PRM3: variants seen among roughly 807,000 people sequenced by gnomAD.
PRM3 encodes the protein protamine-3.
For missense variants in PRM3, 160 were observed against 133.1 expected (o/e 1.20, Z -0.99); for synonymous variants, 72 against 58.2 (o/e 1.24, Z -1.08).
At position 11,273,234 on chromosome 16, in the gene PRM3, A is replaced by T. The variant is rs2069803060; in HGVS notation, c.*50T>A. On this transcript the variant is annotated 3_prime_UTR_variant, in exon 1 of 1. Coordinates refer to ENST00000327157, the MANE Select transcript of PRM3 (RefSeq NM_021247.3). Reference sequence around the variant, plus strand: ...ACTTTTTATTGACTCTTCTCTGAACACTGTCGCCGGAGCAGCAGTGGGCGT... The same window carrying T: ...ACTTTTTATTGACTCTTCTCTGAACTCTGTCGCCGGAGCAGCAGTGGGCGT... 7 of 1,482,486 alleles carry T rather than the reference A, an allele frequency of 4.7e-6. No homozygotes were observed. The Admixed American group carries it at 1.6e-4, about 34-fold the overall frequency. 91.8% of individuals were successfully genotyped at this position (1,482,486 alleles called of 1,614,324 possible). A position where few individuals can be genotyped will look rare whatever the true frequency, so the allele number is the denominator to read the frequency against.
chr16:11,273,591 C>T lies in PRM3; in HGVS notation c.5G>A (p.Gly2Asp). 1.3e-6 allele frequency: 2 copies of T among 1,588,978 alleles called. No homozygotes were observed. Among genetic ancestry groups the T allele is most frequent in the Non-Finnish European group, 1.7e-6 (2 of 1,164,800 alleles). The change falls in exon 1 of 1, where the codon GGT (glycine) becomes GAT (aspartate). Residue 2 changes from glycine (G) to aspartate (D), a missense_variant. Gly to Asp is a moderately conservative substitution (Grantham distance 94, BLOSUM62 -1). Coordinates refer to ENST00000327157, the MANE Select transcript of PRM3 (RefSeq NM_021247.3). M[G>D]SRCAKLNTGQ... Reference sequence around the variant, plus strand: ...TGTGTTGAGCTTGGCACAGCGGGAACCCATGGTCTACGTTGCCTGTCTCTC... The same window carrying T: ...TGTGTTGAGCTTGGCACAGCGGGAATCCATGGTCTACGTTGCCTGTCTCTC...
chr16:11,273,606 G>C lies in PRM3; in HGVS notation c.-11C>G. 2 of 1,577,786 alleles carry C rather than the reference G, an allele frequency of 1.3e-6. No individual in the cohort carries two copies. The highest frequency in any genetic ancestry group is 8.6e-7 in the Non-Finnish European group (1 of 1,159,202). On this transcript the variant is annotated 5_prime_UTR_variant, in exon 1 of 1. Coordinates refer to ENST00000327157, the MANE Select transcript of PRM3 (RefSeq NM_021247.3). ...ACAGCGGGAACCCATGGTCTACGTT[G>C]CCTGTCTCTCTGGGCAAGGAGGTGA...
In PRM3 at chr16:11,273,510, T is replaced by TCGTGGCCCCGGC. The variant is rs755994620; in HGVS notation, c.74_85dup (p.Gly25_His28dup). ...GGCCATGAGCTTTTTCATGGAGGAT[T>TCGTGGCCCCGGC]CGTGGCCCCGGCCATGGCCCGTGCT... On this transcript the variant is annotated inframe_insertion, in exon 1 of 1. Transcript: ENST00000327157. 1 of 1,610,280 alleles carries TCGTGGCCCCGGC rather than the reference T, an allele frequency of 6.2e-7. No homozygotes were observed. Among genetic ancestry groups the TCGTGGCCCCGGC allele is most frequent in the Non-Finnish European group, 8.5e-7 (1 of 1,178,204 alleles).
chr16:11,273,392 C>A lies in PRM3; in HGVS notation c.204G>T (p.Leu68=). The A allele has an allele frequency of 1.3e-6, 2 of 1,547,220 alleles. No homozygotes were observed. The highest frequency in any genetic ancestry group is 1.7e-6 in the Non-Finnish European group (2 of 1,147,258). ...EEGEEEEKEE[L]PVQGKLLLLE... ...GCAGCAGCAGCTTGCCCTGCACCGGCAGCTCTTCTTTCTCCTCCTCTTCCC... is the reference window on the plus strand; with the variant it reads ...GCAGCAGCAGCTTGCCCTGCACCGGAAGCTCTTCTTTCTCCTCCTCTTCCC... The change falls in exon 1 of 1, where the codon CTG becomes CTT. Residue 68 remains leucine, a synonymous_variant. Transcript: ENST00000327157.
At position 11,273,611 on chromosome 16, in the gene PRM3, T is replaced by A; in HGVS notation, c.-16A>T. ...GGGAACCCATGGTCTACGTTGCCTG[T>A]CTCTCTGGGCAAGGAGGTGAGGCGG... On this transcript the variant is annotated 5_prime_UTR_variant, in exon 1 of 1. Coordinates refer to ENST00000327157, the MANE Select transcript of PRM3 (RefSeq NM_021247.3). 1 of 1,573,726 alleles carries A rather than the reference T, an allele frequency of 6.4e-7. No individual in the cohort carries two copies.
rs746816232 is a variant in PRM3, at chr16:11,273,622, A to G, written c.-27T>C. On this transcript the variant is annotated 5_prime_UTR_variant, in exon 1 of 1. Coordinates refer to ENST00000327157, the MANE Select transcript of PRM3 (RefSeq NM_021247.3). The stretch of plus-strand genomic sequence containing the variant: ...GTCTACGTTGCCTGTCTCTCTGGGC[A>G]AGGAGGTGAGGCGGTGGGTGAAGGG... 7.9e-5 allele frequency: 123 copies of G among 1,558,388 alleles called. No homozygotes were observed. The African/African-American group carries it at 1.5e-3, about 18-fold the overall frequency.
In PRM3 at chr16:11,273,558, C is replaced by G; in HGVS notation, c.38G>C (p.Ser13Thr). ...GCTGTGGCCTGGGCTGTGGCCTGGG[C>G]TCTGGCCTGTGTTGAGCTTGGCACA... ...SRCAKLNTGQ[S>T]PGHSPGHSTG... Residue 13 changes from serine to threonine, a missense_variant, in exon 1 of 1, where the codon AGC becomes ACC. Ser to Thr is a moderately conservative substitution (Grantham distance 58, BLOSUM62 1). Transcript: ENST00000327157. The G allele has an allele frequency of 6.2e-7, 1 of 1,609,710 alleles. No individual in the cohort carries two copies. The highest frequency in any genetic ancestry group is 8.5e-7 in the Non-Finnish European group (1 of 1,178,602).
In PRM3 at chr16:11,273,542, T is replaced by A; in HGVS notation, c.54A>T (p.Pro18=). 1 of 1,607,170 alleles carries A rather than the reference T, an allele frequency of 6.2e-7. No homozygotes were observed. The highest frequency in any genetic ancestry group is 8.5e-7 in the Non-Finnish European group (1 of 1,175,558). Reference sequence around the variant, plus strand: ...CCCGGCCATGGCCCGTGCTGTGGCCTGGGCTGTGGCCTGGGCTCTGGCCTG... The same window carrying A: ...CCCGGCCATGGCCCGTGCTGTGGCCAGGGCTGTGGCCTGGGCTCTGGCCTG... The part of the protein sequence containing the change: ...LNTGQSPGHS[P]GHSTGHGRGH... The change falls in exon 1 of 1, where the codon CCA becomes CCT. Residue 18 remains proline (P), a synonymous_variant. Coordinates refer to ENST00000327157, the MANE Select transcript of PRM3 (RefSeq NM_021247.3).
In PRM3 at chr16:11,273,380, G is replaced by C; in HGVS notation, c.216C>G (p.Gly72=). ...EEEKEELPVQ[G]KLLLLEPERQ... ...GCTCAGGCTCCAGCAGCAGCAGCTTGCCCTGCACCGGCAGCTCTTCTTTCT... is the reference window on the plus strand; with the variant it reads ...GCTCAGGCTCCAGCAGCAGCAGCTTCCCCTGCACCGGCAGCTCTTCTTTCT... Residue 72 remains glycine (G), a synonymous_variant, in exon 1 of 1, where the codon GGC becomes GGG. Coordinates refer to ENST00000327157, the MANE Select transcript of PRM3 (RefSeq NM_021247.3). 6.5e-7 allele frequency: 1 copy of C among 1,545,840 alleles called. No individual in the cohort carries two copies.
chr16:11,273,619 G>T lies in PRM3; in HGVS notation c.-24C>A. The T allele has an allele frequency of 6.4e-7, 1 of 1,567,388 alleles. No individual in the cohort carries two copies. The highest frequency in any genetic ancestry group is 1.2e-5 in the South Asian group (1 of 86,606). Reference sequence around the variant, plus strand: ...ATGGTCTACGTTGCCTGTCTCTCTGGGCAAGGAGGTGAGGCGGTGGGTGAA... The same window carrying T: ...ATGGTCTACGTTGCCTGTCTCTCTGTGCAAGGAGGTGAGGCGGTGGGTGAA... On this transcript the variant is annotated 5_prime_UTR_variant, in exon 1 of 1. Transcript: ENST00000327157.
chr16:11,273,228 C>T lies in PRM3; in HGVS notation c.*56G>A. 1 of 1,470,114 alleles carries T rather than the reference C, an allele frequency of 6.8e-7. No homozygotes were observed. The highest frequency in any genetic ancestry group is 1.4e-5 in the South Asian group (1 of 73,262). 91.1% of individuals were successfully genotyped at this position (1,470,114 alleles called of 1,614,324 possible). A position where few individuals can be genotyped will look rare whatever the true frequency, so the allele number is the denominator to read the frequency against. On this transcript the variant is annotated 3_prime_UTR_variant, in exon 1 of 1. Coordinates refer to ENST00000327157, the MANE Select transcript of PRM3 (RefSeq NM_021247.3). The stretch of plus-strand genomic sequence containing the variant: ...TCAGAGACTTTTTATTGACTCTTCT[C>T]TGAACACTGTCGCCGGAGCAGCAGT...
rs2069804677 is a variant in PRM3 at position 11,273,312 on chromosome 16, C to T, written c.284G>A (p.Ser95Asn). The T allele has an allele frequency of 2.6e-6, 4 of 1,544,112 alleles. No homozygotes were observed. Among genetic ancestry groups the T allele is most frequent in the African/African-American group, 2.7e-5 (2 of 73,136 alleles). Residue 95 changes from serine (S) to asparagine (N), a missense_variant, in exon 1 of 1, where the codon AGC becomes AAC. Coordinates refer to ENST00000327157, the MANE Select transcript of PRM3 (RefSeq NM_021247.3). ...GGAGGGTGTCCGCTTGGGCTCGGGG[C>T]TCTGCTGGGCCTCGGCGTTGTCCTT... ...GHKDNAEAQQ[S>N]PEPKRTPS
rs1295300623 is a variant in PRM3, at chr16:11,273,358, C to G, written c.238G>C (p.Glu80Gln). 6.5e-7 allele frequency: 1 copy of G among 1,544,972 alleles called. No homozygotes were observed. Among genetic ancestry groups the G allele is most frequent in the African/African-American group, 1.4e-5 (1 of 73,186 alleles). ...TCCTTGTGGCCCTCCTCCTGCCGCT[C>G]AGGCTCCAGCAGCAGCAGCTTGCCC... ...VQGKLLLLEP[E>Q]RQEEGHKDNA... The change falls in exon 1 of 1, where the codon GAG (glutamate) becomes CAG (glutamine). Residue 80 changes from glutamate to glutamine, a missense_variant. Coordinates refer to ENST00000327157, the MANE Select transcript of PRM3 (RefSeq NM_021247.3).
chr16:11,273,588 G>A lies in PRM3; in HGVS notation c.8C>T (p.Ser3Phe), dbSNP rs1420038197. 6.3e-7 allele frequency: 1 copy of A among 1,591,618 alleles called. No homozygotes were observed. Among genetic ancestry groups the A allele is most frequent in the Non-Finnish European group, 8.6e-7 (1 of 1,166,436 alleles). The change falls in exon 1 of 1, where the codon TCC becomes TTC. Residue 3 changes from serine (S) to phenylalanine (F), a missense_variant. Physicochemically the swap from Ser to Phe is radical, Grantham distance 155. Transcript: ENST00000327157. Reference protein sequence around the residue: MGSRCAKLNTGQS... With the variant: MGFRCAKLNTGQS... The stretch of plus-strand genomic sequence containing the variant: ...GCCTGTGTTGAGCTTGGCACAGCGG[G>A]AACCCATGGTCTACGTTGCCTGTCT...
Position 11,273,347 on chromosome 16 carries a change from C to G in PRM3, c.249G>C (p.Glu83Asp), listed in dbSNP as rs1379493292. ...KLLLLEPERQ[E>D]EGHKDNAEAQ... ...CCTCGGCGTTGTCCTTGTGGCCCTC[C>G]TCCTGCCGCTCAGGCTCCAGCAGCA... is the stretch of plus-strand genomic sequence containing the variant. Residue 83 changes from glutamate (E) to aspartate (D), a missense_variant, in exon 1 of 1, where the codon GAG becomes GAC. Glu to Asp is a conservative substitution (Grantham distance 45). Transcript: ENST00000327157. 4.5e-6 allele frequency: 7 copies of G among 1,544,692 alleles called. No individual in the cohort carries two copies. The highest frequency in any genetic ancestry group is 2.4e-5 in the South Asian group (2 of 84,060).
chr16:11,273,507 G>T lies in PRM3; in HGVS notation c.89C>A (p.Ser30Tyr). Residue 30 changes from serine to tyrosine, a missense_variant, in exon 1 of 1, where the codon TCC (serine) becomes TAC (tyrosine). Coordinates refer to ENST00000327157, the MANE Select transcript of PRM3 (RefSeq NM_021247.3). Reference protein sequence around the residue: ...HSTGHGRGHESSMKKLMACVS... With the variant: ...HSTGHGRGHEYSMKKLMACVS... ...ACAGGCCATGAGCTTTTTCATGGAG[G>T]ATTCGTGGCCCCGGCCATGGCCCGT... is the stretch of plus-strand genomic sequence containing the variant. The T allele has an allele frequency of 6.2e-7, 1 of 1,609,700 alleles. No homozygotes were observed. The highest frequency in any genetic ancestry group is 8.5e-7 in the Non-Finnish European group (1 of 1,177,908).
Sources: allele counts gnomAD v4.1 joint callset, GRCh38; gene constraint gnomAD v4.1.1; transcripts MANE v1.5; gene names NCBI Gene and HGNC (gene_info 2026-07-23, HGNC 2026-07-21).